The following NRXN3 variants were observed in gnomAD, a reference collection of about 807,000 sequenced individuals.
The protein encoded by NRXN3 is neurexin III.
NRXN3 carries 32 observed loss-of-function variants against 137.6 expected under a neutral mutation model. The observed-to-expected ratio is 0.23, with a 90% CI of 0.18 to 0.31. The LOEUF is 0.31. NRXN3 is among the 10% of genes least tolerant of loss of function. NRXN3 has a pLI of 1.00. For missense variants in NRXN3, 1,574 were observed against 2,062.5 expected (o/e 0.76, Z 4.59); for synonymous variants, 798 against 784.5 (o/e 1.02, Z -0.29).
chr14:78,742,168 C>A (rs140397338), intron 8 of NRXN3, among the ~76,000 whole-genome samples: 1 of 152,196 alleles, frequency 6.6e-6, no homozygotes, highest in Non-Finnish European at 1.5e-5. Context: ...ACTTCCAAAT[C>A]TTCCTCTAGA....
chr14:79,488,980 ATCAG>A (rs2096684704), intron 16 of NRXN3, among the ~76,000 whole-genome samples: 1 of 152,100 alleles, frequency 6.6e-6, no homozygotes, highest in Non-Finnish European at 1.5e-5. Flanking sequence ...TACCTTACCC[ATCAG>A]TACTTTAGGG....
intron 15 of NRXN3, among the ~76,000 whole-genome samples, chr14:79,250,340 A>G (rs2075765587): frequency 6.6e-6 from 1 of 152,180 alleles, no homozygotes; most frequent in Non-Finnish European, 1.5e-5. Flanking sequence ...AAGAAAAGAT[A>G]GAGAAAATGT....
intron 16 of NRXN3, among the ~76,000 whole-genome samples, chr14:79,489,533 C>T (rs1218011812): frequency 6.6e-6 from 1 of 152,162 alleles, no homozygotes; most frequent in Non-Finnish European, 1.5e-5. Context: ...ACACCGGGCT[C>T]GTTTCACTCA....
chr14:79,084,802 G>A (rs189641654), intron 15 of NRXN3, among the ~76,000 whole-genome samples: 1 of 152,246 alleles, frequency 6.6e-6, no homozygotes, highest in East Asian at 1.9e-4. Flanking sequence ...AGTTGCTTCA[G>A]TGAGTTGGTC....
Position 79,722,158 on chromosome 14 carries a change from T to A in NRXN3, c.4014+24221T>A, listed in dbSNP as rs917398149. ...GTCTTGATCTCTTCTTTTACCTATTTAACAGCGGTTAAATACACCCCTCCT... is the reference window on the plus strand; with the variant it reads ...GTCTTGATCTCTTCTTTTACCTATTAAACAGCGGTTAAATACACCCCTCCT... On this transcript the variant is annotated intron_variant, in intron 19 of 20. Coordinates refer to ENST00000335750, the MANE Select transcript of NRXN3 (RefSeq NM_001330195.2). Among the ~76,000 whole-genome samples, 6 of 152,126 alleles carry A rather than the reference T, an allele frequency of 3.9e-5. No individual in the cohort carries two copies. The South Asian group carries it at 8.3e-4, about 21-fold the overall frequency.
At chr14:79,229,917 A>G (rs1048351791) in intron 15 of NRXN3, among the ~76,000 whole-genome samples, 1 of 152,046 alleles carries the variant, frequency 6.6e-6, no homozygotes, top group African/African-American at 2.4e-5. Context: ...CAGGCTTCCT[A>G]TCAGCTCTCC....
At chr14:79,324,637 G>A (rs2153276364) in intron 15 of NRXN3, among the ~76,000 whole-genome samples, 1 of 152,262 alleles carries the variant, frequency 6.6e-6, no homozygotes, top group East Asian at 1.9e-4. Flanking sequence ...ATTTGGTCAG[G>A]CATATTTATA....
At chr14:79,262,422 G>T (rs1409453253) in intron 15 of NRXN3, among the ~76,000 whole-genome samples, 5 of 151,072 alleles carry the variant, frequency 3.3e-5, no homozygotes, top group African/African-American at 1.2e-4. Flanking sequence ...AGAAGGAAAA[G>T]GAGAAGAGGA....
intron 4 of NRXN3, among the ~76,000 whole-genome samples, chr14:78,564,629 C>A (rs2096821086): frequency 6.6e-6 from 1 of 152,188 alleles, no homozygotes; most frequent in Non-Finnish European, 1.5e-5. Flanking sequence ...GGAATCAAGT[C>A]CTTGGCCTGG....
chr14:79,066,783 T>C (rs936532252), intron 15 of NRXN3, among the ~76,000 whole-genome samples: 1 of 152,128 alleles, frequency 6.6e-6, no homozygotes, highest in Non-Finnish European at 1.5e-5. Flanking sequence ...TATTGGTGTA[T>C]AGGAATGCTA....
At chr14:78,967,109 A>C in intron 12 of NRXN3, 99 bp from the exon 13 acceptor site, 1 of 941,120 alleles carries the variant, frequency 1.1e-6, no homozygotes, top group Non-Finnish European at 1.6e-6. Flanking sequence ...CCAGTTTAGC[A>C]TGGGGGATTT....
chr14:78,943,621 A>AATATATATAT (rs60429358), intron 10 of NRXN3, among the ~76,000 whole-genome samples: 1 of 27,876 alleles, frequency 3.6e-5, no homozygotes, highest in Non-Finnish European at 6.1e-5. Context: ...AAAAAAAAAA[A>AATATATATAT]ATATATATAT....
chr14:78,859,134 A>C (rs2099065601), intron 10 of NRXN3, among the ~76,000 whole-genome samples: 1 of 152,024 alleles, frequency 6.6e-6, no homozygotes, highest in African/African-American at 2.4e-5. Flanking sequence ...AGTGTCTGGC[A>C]TTTCCCCTGT....
chr14:79,140,308 A>G (rs765629968), intron 15 of NRXN3, among the ~76,000 whole-genome samples: 4 of 152,120 alleles, frequency 2.6e-5, no homozygotes, highest in Non-Finnish European at 4.4e-5. Flanking sequence ...TTAACACACT[A>G]TCCTTACATA....
chr14:78,381,051 A>G (rs1184045016), intron 4 of NRXN3, among the ~76,000 whole-genome samples: 2 of 152,206 alleles, frequency 1.3e-5, no homozygotes, highest in African/African-American at 2.4e-5. Context: ...TCAATGGAGA[A>G]AAGGTAGCTT....
At chr14:78,252,087 T>C (rs2068718708) in intron 2 of NRXN3, among the ~76,000 whole-genome samples, 1 of 152,172 alleles carries the variant, frequency 6.6e-6, no homozygotes, top group East Asian at 1.9e-4. Flanking sequence ...TGTGTCATCG[T>C]CTATATCCGC....
intron 4 of NRXN3, among the ~76,000 whole-genome samples, chr14:78,571,720 A>G (rs528470772): frequency 1.1e-4 from 17 of 152,352 alleles, no homozygotes; most frequent in African/African-American, 4.1e-4. Context: ...CACGCAACAC[A>G]AAGTGCACGC....
At chr14:78,228,537 G>C (rs886162764) in intron 1 of NRXN3, among the ~76,000 whole-genome samples, 3 of 152,146 alleles carry the variant, frequency 2.0e-5, no homozygotes, top group African/African-American at 7.2e-5. Context: ...TTTACTGAAT[G>C]CTTGTTATCT....
intron 4 of NRXN3, among the ~76,000 whole-genome samples, chr14:78,533,099 C>CT (rs71452898): frequency 0.041 from 4,892 of 119,920 alleles, 241 homozygotes; most frequent in African/African-American, 0.055. Flanking sequence ...TCCCTCCAGC[C>CT]TTTTTTTTTT....
Sources: gnomAD v4.1 joint callset for allele counts (sites outside exome capture counted in the v4.1 genomes callset) on GRCh38, gnomAD v4.1.1 for gene constraint, MANE v1.5 for transcripts, NCBI Gene and HGNC (gene_info 2026-07-23, HGNC 2026-07-21) for gene names.